The following THAP12 variants were observed in gnomAD, a reference collection of about 807,000 sequenced individuals.
The protein encoded by THAP12 is 52 kDa repressor of the inhibitor of the protein kinase.
In THAP12, 20 loss-of-function variants were observed where a neutral mutation model predicts 63.0. That is an observed-to-expected ratio of 0.32 (90% confidence interval 0.22 to 0.46). The LOEUF is 0.46. THAP12 is among the 20% of genes least tolerant of loss of function. The pLI is 1.00. For missense variants in THAP12, 568 were observed against 908.2 expected, an observed-to-expected ratio of 0.63 and a Z score of 4.81; for synonymous variants, 264 against 328.4, an observed-to-expected ratio of 0.80 and a Z score of 2.12.
chr11:76,365,740 C>A, intron 2 of THAP12, 112 bp downstream of exon 2: 2 of 1,276,402 alleles, frequency 1.6e-6, no homozygotes, highest in Non-Finnish European at 2.1e-6. Flanking sequence ...CTTAAAGTGG[C>A]AGGATATAGG....
chr11:76,370,319 A>C (rs1390620588), intron 1 of THAP12, among the ~76,000 whole-genome samples: 4 of 152,072 alleles, frequency 2.6e-5, no homozygotes, highest in Non-Finnish European at 5.9e-5. Flanking sequence ...TGAAAATCCA[A>C]CATGATGTAC....
intron 2 of THAP12, among the ~76,000 whole-genome samples, chr11:76,362,935 G>A (rs1490202813): frequency 6.6e-6 from 1 of 152,180 alleles, no homozygotes; most frequent in Non-Finnish European, 1.5e-5. Context: ...TTGACCCCAG[G>A]AGTTCAAGAC....
intron 3 of THAP12, chr11:76,359,194 T>C (rs1164789572): frequency 6.6e-6 from 1 of 152,212 alleles, no homozygotes; most frequent in Non-Finnish European, 1.5e-5. Flanking sequence ...AATGCATACA[T>C]TCTCATTTAA....
chr11:76,357,115 T>C (rs889184337), intron 3 of THAP12: 1 of 152,204 alleles, frequency 6.6e-6, no homozygotes, highest in Admixed American at 6.5e-5. Flanking sequence ...CATTATTCTC[T>C]AAACAATGTA....
chr11:76,372,407 TA>T (rs11429874), intron 1 of THAP12, among the ~76,000 whole-genome samples: 10 of 145,846 alleles, frequency 6.9e-5, no homozygotes, highest in Non-Finnish European at 7.5e-5. Context: ...GAATTGCTTC[TA>T]AAAAAAAAAA....
intron 3 of THAP12, chr11:76,356,673 T>A (rs986350955): frequency 6.6e-6 from 1 of 152,218 alleles, no homozygotes; most frequent in East Asian, 1.9e-4. Context: ...ACTATTTACA[T>A]AGCATTTACA....
At chr11:76,354,131 T>C (rs1359339524) in intron 4 of THAP12, among the ~76,000 whole-genome samples, 1 of 152,214 alleles carries the variant, frequency 6.6e-6, no homozygotes, top group African/African-American at 2.4e-5. Flanking sequence ...AGAATTATTC[T>C]AGCACAAGCA....
At chr11:76,365,481 C>T (rs1234205015) in intron 2 of THAP12, among the ~76,000 whole-genome samples, 1 of 151,926 alleles carries the variant, frequency 6.6e-6, no homozygotes, top group Non-Finnish European at 1.5e-5. Flanking sequence ...ACGTCATGGG[C>T]TCAAGTATCC....
At chr11:76,367,359 A>C (rs1946638812) in intron 1 of THAP12, among the ~76,000 whole-genome samples, 1 of 152,066 alleles carries the variant, frequency 6.6e-6, no homozygotes. Context: ...TACAGGCGTG[A>C]GCCACCGCGC....
intron 1 of THAP12, among the ~76,000 whole-genome samples, chr11:76,367,482 G>A (rs1228033770): frequency 1.3e-5 from 2 of 151,606 alleles, no homozygotes; most frequent in East Asian, 2.0e-4. Context: ...GAGTGCAGTG[G>A]TGTGATCTCA....
chr11:76,365,736 G>A (rs536279230), intron 2 of THAP12, 116 bp downstream of exon 2: 19 of 1,263,464 alleles, frequency 1.5e-5, no homozygotes, highest in Non-Finnish European at 1.8e-5. Flanking sequence ...TCATCTTAAA[G>A]TGGCAGGATA....
At chr11:76,373,168 A>T (rs1460610425) in intron 1 of THAP12, among the ~76,000 whole-genome samples, 4 of 152,004 alleles carry the variant, frequency 2.6e-5, no homozygotes, top group African/African-American at 9.7e-5. Context: ...CAACATGGCG[A>T]AACCCTGTCT....
chr11:76,358,712 G>GT (rs1946577793), intron 3 of THAP12: 1 of 152,158 alleles, frequency 6.6e-6, no homozygotes, highest in East Asian at 1.9e-4. Flanking sequence ...GGAGGCTGAG[G>GT]TAAGAGGATT....
At chr11:76,371,067 C>T (rs1406795481) in intron 1 of THAP12, among the ~76,000 whole-genome samples, 1 of 152,120 alleles carries the variant, frequency 6.6e-6, no homozygotes, top group African/African-American at 2.4e-5. Flanking sequence ...CCAAATCCAT[C>T]TGCTTCTCTC....
intron 3 of THAP12, 30 bp from the exon 4 acceptor site, chr11:76,355,684 C>A (rs991018962): frequency 7.1e-6 from 11 of 1,553,018 alleles, no homozygotes; most frequent in African/African-American, 2.8e-5. Context: ...AAGAAAAAAA[C>A]AAATCATCTT....
At chr11:76,363,572 T>C (rs143115347) in intron 2 of THAP12, among the ~76,000 whole-genome samples, 79 of 126,448 alleles carry the variant, frequency 6.2e-4, no homozygotes, top group African/African-American at 2.4e-3. Context: ...GATACAGATA[T>C]CAGAAAATCC....
At chr11:76,354,733 T>C (rs1946548700) in intron 4 of THAP12, among the ~76,000 whole-genome samples, 1 of 152,166 alleles carries the variant, frequency 6.6e-6, no homozygotes, top group Non-Finnish European at 1.5e-5. Context: ...ATCACCTACT[T>C]ATAAACCCCT....
intron 1 of THAP12, among the ~76,000 whole-genome samples, chr11:76,367,319 G>A (rs1590804267): frequency 6.6e-6 from 1 of 152,176 alleles, no homozygotes; most frequent in Non-Finnish European, 1.5e-5. Flanking sequence ...CAGGTGATCT[G>A]CCCGCCTCGG....
At chr11:76,366,491 C>T (rs1946631856) in intron 1 of THAP12, among the ~76,000 whole-genome samples, 1 of 152,178 alleles carries the variant, frequency 6.6e-6, no homozygotes, top group African/African-American at 2.4e-5. Context: ...ACCATCCTGG[C>T]TAACCCGGTG....
Sources: allele counts gnomAD v4.1 joint callset (sites outside exome capture counted in the v4.1 genomes callset), GRCh38; gene constraint gnomAD v4.1.1; transcripts MANE v1.5; gene names NCBI Gene and HGNC (gene_info 2026-07-23, HGNC 2026-07-21).